Variants in DGKB observed in about 807,000 individuals in gnomAD.
DGKB encodes 90 kDa diacylglycerol kinase.
A neutral mutation model predicts 114.3 loss-of-function variants in DGKB; 67 were observed. The observed-to-expected ratio is 0.59, with a 90% confidence interval of 0.48 to 0.72. The LOEUF is 0.72. DGKB is among the 30% of genes least tolerant of loss of function. DGKB has a pLI of 0.00. For missense variants in DGKB, 907 were observed against 975.2 expected (o/e 0.93, Z 0.93); for synonymous variants, 398 against 323.1 (o/e 1.23, Z -2.49).
At chr7:14,312,503 T>C (rs1805576906) in intron 23 of DGKB, among the ~76,000 whole-genome samples, 1 of 152,238 alleles carries the variant, frequency 6.6e-6, no homozygotes. Context: ...TAAAATGTCC[T>C]TGATGAAGCA....
chr7:14,667,399 C>A (rs2358025), intron 13 of DGKB, among the ~76,000 whole-genome samples: 129,974 of 151,942 alleles, frequency 0.86, 55,703 homozygotes, highest in East Asian at 0.89. Flanking sequence ...ACAGAGTCAA[C>A]GACTAAGGAA....
At chr7:14,612,648 G>C (rs184751255) in intron 16 of DGKB, among the ~76,000 whole-genome samples, 1 of 152,080 alleles carries the variant, frequency 6.6e-6, no homozygotes, top group East Asian at 1.9e-4. Flanking sequence ...TCATCTGCTT[G>C]CTTATTTTTG....
chr7:14,656,751 T>TACAC (rs10623353), intron 13 of DGKB, among the ~76,000 whole-genome samples: 61,496 of 127,456 alleles, frequency 0.48, 13,550 homozygotes, highest in Non-Finnish European at 0.51. Context: ...ATATAGGATA[T>TACAC]ATACACACAC....
At chr7:14,956,703 G>T (rs1355557574) in intron 1 of DGKB, among the ~76,000 whole-genome samples, 2 of 151,946 alleles carry the variant, frequency 1.3e-5, no homozygotes, top group Admixed American at 6.6e-5. Flanking sequence ...CAATGTGGTT[G>T]CATATAAATA....
At chr7:14,197,792 C>T (rs556098459) in intron 23 of DGKB, among the ~76,000 whole-genome samples, 2 of 152,222 alleles carry the variant, frequency 1.3e-5, no homozygotes, top group Admixed American at 6.6e-5. Flanking sequence ...CTGAGATACA[C>T]ATTTCAAAGA....
intron 23 of DGKB, among the ~76,000 whole-genome samples, chr7:14,259,405 C>A (rs1450075631): frequency 0.011 from 1,028 of 94,930 alleles, 8 homozygotes; most frequent in Middle Eastern, 0.044. Flanking sequence ...CTCTCTCTCT[C>A]TCTATATATA....
chr7:14,313,590 C>T (rs6461088), intron 23 of DGKB, among the ~76,000 whole-genome samples: 7,871 of 152,156 alleles, frequency 0.052, 503 homozygotes, highest in African/African-American at 0.15. Context: ...TAAAAAACAG[C>T]GCACCACGAG....
At chr7:14,576,610 A>G (rs1799157034) in intron 19 of DGKB, among the ~76,000 whole-genome samples, 1 of 152,108 alleles carries the variant, frequency 6.6e-6, no homozygotes, top group Non-Finnish European at 1.5e-5. Context: ...ACTAGTAAAT[A>G]ATAATGCTTT....
At chr7:14,918,171 T>C (rs954215630) in intron 1 of DGKB, among the ~76,000 whole-genome samples, 1 of 152,150 alleles carries the variant, frequency 6.6e-6, no homozygotes, top group African/African-American at 2.4e-5. Context: ...AATAAGTGCT[T>C]ATTTCTAAAA....
At chr7:14,589,531 C>G (rs1801334443) in intron 17 of DGKB, among the ~76,000 whole-genome samples, 1 of 151,768 alleles carries the variant, frequency 6.6e-6, no homozygotes, top group East Asian at 1.9e-4. Context: ...ATTTTTCTTT[C>G]TTTTTACTTT....
At chr7:14,347,164 A>C (rs1286085874) in intron 21 of DGKB, among the ~76,000 whole-genome samples, 1 of 151,802 alleles carries the variant, frequency 6.6e-6, no homozygotes. Context: ...TGTGAGGCCC[A>C]CTGGGATCTT....
chr7:14,943,121 T>C (rs1283755673), intron 1 of DGKB, among the ~76,000 whole-genome samples: 1 of 151,994 alleles, frequency 6.6e-6, no homozygotes, highest in African/African-American at 2.4e-5. Flanking sequence ...ATATTCTATA[T>C]GGAAAAATGT....
chr7:14,572,587 C>A (rs1006516030), intron 20 of DGKB, among the ~76,000 whole-genome samples: 2 of 151,830 alleles, frequency 1.3e-5, no homozygotes, highest in Admixed American at 6.6e-5. Context: ...AGTCTGGTAA[C>A]CAAAACAAAC....
intron 2 of DGKB, among the ~76,000 whole-genome samples, chr7:14,772,533 T>C (rs887420127): frequency 2.0e-5 from 3 of 152,180 alleles, no homozygotes; most frequent in Non-Finnish European, 4.4e-5. Context: ...TTAATTCTTA[T>C]GAATTAGAAG....
At chr7:14,484,944 A>G (rs1459236888) in intron 20 of DGKB, among the ~76,000 whole-genome samples, 1 of 151,048 alleles carries the variant, frequency 6.6e-6, no homozygotes, top group East Asian at 2.0e-4. Context: ...GGAGTAGTAT[A>G]TAACAATTAG....
At position 14,514,411 on chromosome 7, in the gene DGKB, G is replaced by A. The variant is rs149480207; in HGVS notation, c.1771-36186C>T. On this transcript the variant is annotated intron_variant, in intron 20 of 25. Coordinates refer to ENST00000402815, the MANE Select transcript of DGKB (RefSeq NM_001350709.2). The stretch of plus-strand genomic sequence containing the variant: ...TGACTTTCCTCAAAGCTACTTACAA[G>A]TAGAACTCTAGAATAATCAGTTGCA... Among the ~76,000 whole-genome samples, 618 of 152,180 alleles carry A rather than the reference G, an allele frequency of 4.1e-3. 5 individuals carry two copies. Among genetic ancestry groups the A allele is most frequent in the African/African-American group, 0.014 (586 of 41,538 alleles).
intron 13 of DGKB, among the ~76,000 whole-genome samples, chr7:14,636,688 T>A (rs1047531050): frequency 6.6e-6 from 1 of 151,876 alleles, no homozygotes; most frequent in African/African-American, 2.4e-5. Flanking sequence ...AGATAGAATC[T>A]ACCTGGCGGG....
intron 19 of DGKB, among the ~76,000 whole-genome samples, chr7:14,576,904 G>A (rs1799208868): frequency 2.0e-5 from 3 of 152,138 alleles, no homozygotes. Context: ...AATAAATCTT[G>A]AGAATTACAA....
intron 2 of DGKB, among the ~76,000 whole-genome samples, chr7:14,783,998 A>G (rs1839494418): frequency 6.6e-6 from 1 of 152,244 alleles, no homozygotes; most frequent in Non-Finnish European, 1.5e-5. Flanking sequence ...AAGAATTACA[A>G]GAATCATAAA....
Sources: gnomAD v4.1 joint callset for allele counts (sites outside exome capture counted in the v4.1 genomes callset) on GRCh38, gnomAD v4.1.1 for gene constraint, MANE v1.5 for transcripts, NCBI Gene and HGNC (gene_info 2026-07-23, HGNC 2026-07-21) for gene names.